The following HSD17B12 variants were observed in gnomAD, a reference collection of about 807,000 sequenced individuals.
HSD17B12 encodes the protein hydroxysteroid 17-beta dehydrogenase 12, also known as very-long-chain 3-oxoacyl-CoA reductase.
In HSD17B12, 32 loss-of-function variants were observed where a neutral mutation model predicts 39.3. The observed-to-expected ratio is 0.81, with a 90% CI of 0.61 to 1.09. The LOEUF (loss-of-function observed/expected upper bound fraction) is 1.09. Among genes scored for constraint, HSD17B12 ranks in the 50% least tolerant of loss-of-function variants. The pLI is 0.00. For missense variants in HSD17B12, 342 were observed against 382.9 expected (o/e 0.89, Z 0.89); for synonymous variants, 150 against 146.7 (o/e 1.02, Z -0.16).
At chr11:43,695,972 T>C (rs1427858217) in intron 1 of HSD17B12, among the ~76,000 whole-genome samples, 1 of 152,198 alleles carries the variant, frequency 6.6e-6, no homozygotes. Flanking sequence ...ACCCATTATT[T>C]TTCCTGATCC....
At chr11:43,603,760 T>C in the HSD17B12 span, among the ~76,000 whole-genome samples, 2 of 152,228 alleles carry the variant, frequency 1.3e-5, no homozygotes, top group African/African-American at 2.4e-5. Flanking sequence ...GCCCCAATTA[T>C]GCTATATTAA....
At chr11:43,791,546 AGAAG>A (rs1265104051) in intron 3 of HSD17B12, among the ~76,000 whole-genome samples, 1 of 152,012 alleles carries the variant, frequency 6.6e-6, no homozygotes, top group Non-Finnish European at 1.5e-5. Flanking sequence ...AAAAAAAAGA[AGAAG>A]AAGAAGAAGA....
At chr11:43,606,517 A>G in the HSD17B12 span, among the ~76,000 whole-genome samples, 11 of 152,378 alleles carry the variant, frequency 7.2e-5, no homozygotes, top group East Asian at 2.1e-3. Context: ...CTCAAACATT[A>G]GTGCATTTGG....
At chr11:43,681,258 C>A in intron 1 of HSD17B12, 2 of 823,682 alleles carry the variant, frequency 2.4e-6, no homozygotes, top group Non-Finnish European at 3.2e-6. Context: ...TGCCTTAAGT[C>A]TCTGGGGCTT....
chr11:43,854,632 G>A, intron 9 of HSD17B12, 83 bp from the exon 10 acceptor site: 6 of 1,413,104 alleles, frequency 4.2e-6, no homozygotes, highest in Non-Finnish European at 5.9e-6. Context: ...ACCACTAAGA[G>A]CAGTCAAGCA....
chr11:43,726,541 A>G (rs114634922), intron 1 of HSD17B12, among the ~76,000 whole-genome samples: 9 of 152,330 alleles, frequency 5.9e-5, no homozygotes, highest in African/African-American at 1.4e-4. Context: ...AGGCTTTCCA[A>G]TGCTAAGCAT....
intron 2 of HSD17B12, among the ~76,000 whole-genome samples, chr11:43,751,380 T>G (rs1355999902): frequency 2.6e-5 from 4 of 152,206 alleles, no homozygotes; most frequent in Non-Finnish European, 4.4e-5. Context: ...AAGGTATTGA[T>G]AGACACAGGC....
intron 9 of HSD17B12, among the ~76,000 whole-genome samples, chr11:43,846,324 C>T (rs1951474512): frequency 6.6e-6 from 1 of 152,214 alleles, no homozygotes; most frequent in South Asian, 2.1e-4. Flanking sequence ...ACTCATTTTA[C>T]ATAGATATTA....
At position 43,855,304 on chromosome 11, in the gene HSD17B12, G is replaced by A. The variant is rs753519790; in HGVS notation, c.*56G>A. On this transcript the variant is annotated 3_prime_UTR_variant, in exon 11 of 11. Transcript: ENST00000278353. The stretch of plus-strand genomic sequence containing the variant: ...ATGCTCCAGCATATGCACGTTCACT[G>A]CAAAGCACCCTACTGGTTTTGAAAA... The A allele has an allele frequency of 8.0e-6, 8 of 1,001,646 alleles. No homozygotes were observed. Among genetic ancestry groups the A allele is most frequent in the Admixed American group, 2.3e-5 (1 of 44,006 alleles). The allele number at this position is 1,001,646 out of a possible 1,614,324, so 62.0% of individuals were successfully genotyped here.
intron 3 of HSD17B12, among the ~76,000 whole-genome samples, chr11:43,764,821 G>T (rs527937170): frequency 6.6e-6 from 1 of 152,140 alleles, no homozygotes; most frequent in South Asian, 2.1e-4. Context: ...GGTTTCTTAT[G>T]GACAGCATAG....
At chr11:43,700,477 C>T (rs1949953953) in intron 1 of HSD17B12, among the ~76,000 whole-genome samples, 6 of 152,062 alleles carry the variant, frequency 3.9e-5, no homozygotes, top group Admixed American at 2.6e-4. Flanking sequence ...CCGCACCTCC[C>T]TCCCAGCCCC....
At chr11:43,840,346 C>T (rs1177648743) in intron 9 of HSD17B12, among the ~76,000 whole-genome samples, 7 of 151,872 alleles carry the variant, frequency 4.6e-5, no homozygotes, top group African/African-American at 1.5e-4. Flanking sequence ...TTTGAGAGAC[C>T]GAGACTATCG....
intron 1 of HSD17B12, among the ~76,000 whole-genome samples, chr11:43,740,148 A>T (rs1001017989): frequency 2.0e-5 from 3 of 152,166 alleles, no homozygotes; most frequent in Admixed American, 2.0e-4. Context: ...AGGGAAATGT[A>T]ACTTCTTGGC....
chr11:43,657,442 C>T, the HSD17B12 span, among the ~76,000 whole-genome samples: 1 of 152,142 alleles, frequency 6.6e-6, no homozygotes, highest in Non-Finnish European at 1.5e-5. Flanking sequence ...GATCCTGTCA[C>T]TATGATGTTA....
chr11:43,795,766 A>G (rs1321161930), intron 3 of HSD17B12, among the ~76,000 whole-genome samples: 1 of 152,212 alleles, frequency 6.6e-6, no homozygotes, highest in Non-Finnish European at 1.5e-5. Flanking sequence ...TGAACAAAAC[A>G]GAACCAAGTC....
chr11:43,665,358 G>A, the HSD17B12 span, among the ~76,000 whole-genome samples: 1 of 152,096 alleles, frequency 6.6e-6, no homozygotes, highest in South Asian at 2.1e-4. Context: ...AGCTGGGACT[G>A]CAGGCATGCG....
the HSD17B12 span, among the ~76,000 whole-genome samples, chr11:43,574,530 A>G: frequency 6.6e-6 from 1 of 152,064 alleles, no homozygotes; most frequent in Non-Finnish European, 1.5e-5. Context: ...AATCTGCAAG[A>G]ATTCTCCCCA....
the HSD17B12 span, among the ~76,000 whole-genome samples, chr11:43,563,065 A>G: frequency 2.0e-5 from 3 of 151,938 alleles, no homozygotes; most frequent in African/African-American, 7.3e-5. Context: ...ATCACTATCT[A>G]CTCCTCACCC....
chr11:43,788,315 A>T (rs1213934293), intron 3 of HSD17B12, among the ~76,000 whole-genome samples: 5 of 152,354 alleles, frequency 3.3e-5, no homozygotes, highest in African/African-American at 1.2e-4. Flanking sequence ...ATTTCATATG[A>T]TTAAAAAAAA....
Sources: gnomAD v4.1 joint callset for allele counts (sites outside exome capture counted in the v4.1 genomes callset) on GRCh38, gnomAD v4.1.1 for gene constraint, MANE v1.5 for transcripts, NCBI Gene and HGNC (gene_info 2026-07-23, HGNC 2026-07-21) for gene names.